NCOA7: variants seen among roughly 807,000 people sequenced by gnomAD.
NCOA7 encodes the protein nuclear receptor coactivator 7, also known as 140 kDa estrogen receptor-associated protein.
A neutral mutation model predicts 104.3 loss-of-function variants in NCOA7; 45 were observed. The ratio of observed to expected loss-of-function variants is 0.43; its 90% CI spans 0.34 to 0.55. The LOEUF is 0.55. NCOA7 is among the 20% of genes least tolerant of loss of function. The pLI is 0.02. For synonymous variants in NCOA7, 398 were observed against 402.3 expected (o/e 0.99, Z 0.13); for missense variants, 1,041 against 1,119.7 (o/e 0.93, Z 1.00).
intron 10 of NCOA7, among the ~76,000 whole-genome samples, chr6:125,904,012 T>A (rs750129128): frequency 6.6e-6 from 1 of 152,148 alleles, no homozygotes; most frequent in Non-Finnish European, 1.5e-5. Flanking sequence ...TAAGTACATA[T>A]GTAAGTATTA....
intron 8 of NCOA7, among the ~76,000 whole-genome samples, chr6:125,888,226 C>T (rs1293103325): frequency 6.6e-6 from 1 of 152,178 alleles, no homozygotes; most frequent in Non-Finnish European, 1.5e-5. Context: ...GAAATATTTA[C>T]TTAAGAAATG....
intron 10 of NCOA7, among the ~76,000 whole-genome samples, chr6:125,905,330 C>A (rs7765645): frequency 0.16 from 24,390 of 149,390 alleles, 2,231 homozygotes; most frequent in African/African-American, 0.27. Flanking sequence ...GATCTCGGCT[C>A]ATTGCAACCT....
chr6:125,887,633 A>G (rs1245072964), intron 8 of NCOA7, among the ~76,000 whole-genome samples: 4 of 152,226 alleles, frequency 2.6e-5, no homozygotes, highest in African/African-American at 7.2e-5. Context: ...CACTTTGGGA[A>G]GACAGTCTTT....
chr6:125,911,090 T>C (rs1334046853), intron 10 of NCOA7, among the ~76,000 whole-genome samples: 1 of 152,100 alleles, frequency 6.6e-6, no homozygotes, highest in Non-Finnish European at 1.5e-5. Flanking sequence ...AGGCCCCGAG[T>C]TCTGGGAGCC....
chr6:125,918,846 C>T (rs1362609277), intron 11 of NCOA7, among the ~76,000 whole-genome samples: 1 of 152,048 alleles, frequency 6.6e-6, no homozygotes, highest in African/African-American at 2.4e-5. Context: ...CCTACCTCCA[C>T]CGAAGGCTCC....
In NCOA7 at chr6:125,922,823, A is replaced by G. The variant is rs1350905270; in HGVS notation, c.2512A>G (p.Met838Val). Residue 838 changes from methionine (M) to valine (V), a missense_variant, in exon 13 of 16, where the codon ATG (methionine) becomes GTG (valine). Met to Val is a conservative substitution (Grantham distance 21). Coordinates refer to ENST00000392477, the MANE Select transcript of NCOA7 (RefSeq NM_181782.5). ...TCCTGTCCTATTGGTCATCAAAGATATGGATAATCAGGTGAGGCCTGTCCC... is the reference window on the plus strand; with the variant it reads ...TCCTGTCCTATTGGTCATCAAAGATGTGGATAATCAGGTGAGGCCTGTCCC... ...DSPVLLVIKD[M>V]DNQIFGAYAT... The G allele has an allele frequency of 2.5e-6, 4 of 1,614,080 alleles. No homozygotes were observed. Among genetic ancestry groups the G allele is most frequent in the Non-Finnish European group, 3.4e-6 (4 of 1,180,000 alleles).
At chr6:125,857,006 C>T (rs1372312339) in intron 3 of NCOA7, among the ~76,000 whole-genome samples, 3 of 151,974 alleles carry the variant, frequency 2.0e-5, no homozygotes, top group Non-Finnish European at 2.9e-5. Context: ...TATCGGCAGC[C>T]GAAAGCATGT....
At chr6:125,790,634 G>A (rs1458460682), upstream of NCOA7, 6 of 151,730 alleles carry the variant, frequency 4.0e-5, no homozygotes, top group African/African-American at 7.3e-5. Flanking sequence ...CGAGCTCCCA[G>A]GCCCCCGCAA....
intron 6 of NCOA7, 29 bp downstream of exon 6, chr6:125,881,232 T>TTTA: frequency 7.0e-7 from 1 of 1,428,150 alleles, no homozygotes; most frequent in African/African-American, 1.4e-5. Context: ...GAAGTTCATT[T>TTTA]TTATTAAAGA....
intron 1 of NCOA7, among the ~76,000 whole-genome samples, chr6:125,799,347 A>T (rs879830554): frequency 1.3e-5 from 2 of 152,180 alleles, no homozygotes; most frequent in Non-Finnish European, 2.9e-5. Context: ...AATACTTTCC[A>T]ACCCATCTAT....
chr6:125,812,731 G>A (rs1429019929), intron 1 of NCOA7, among the ~76,000 whole-genome samples: 1 of 152,080 alleles, frequency 6.6e-6, no homozygotes, highest in African/African-American at 2.4e-5. Flanking sequence ...GTCCACAACC[G>A]ATTTCTTACC....
chr6:125,799,484 G>C (rs1229882894), intron 1 of NCOA7, among the ~76,000 whole-genome samples: 1 of 150,572 alleles, frequency 6.6e-6, no homozygotes, highest in Non-Finnish European at 1.5e-5. Flanking sequence ...CTGTCGCCCA[G>C]GCTGGAATGC....
intron 2 of NCOA7, among the ~76,000 whole-genome samples, chr6:125,850,218 G>C (rs1781001376): frequency 6.6e-6 from 1 of 152,092 alleles, no homozygotes; most frequent in Admixed American, 6.6e-5. Flanking sequence ...ATTTTACAGA[G>C]GGCTTCCAGA....
At chr6:125,817,821 C>T (rs2128575068) in intron 2 of NCOA7, among the ~76,000 whole-genome samples, 2 of 152,284 alleles carry the variant, frequency 1.3e-5, no homozygotes, top group Middle Eastern at 6.8e-3. Flanking sequence ...ATCTCTTTGC[C>T]TAGCTGTATG....
At chr6:125,927,137 A>G (rs955958351) in intron 13 of NCOA7, among the ~76,000 whole-genome samples, 13 of 152,204 alleles carry the variant, frequency 8.5e-5, no homozygotes, top group Admixed American at 2.0e-4. Flanking sequence ...ATTTTTAAGG[A>G]TATAATTTTA....
At chr6:125,819,840 G>A (rs938188800) in intron 2 of NCOA7, among the ~76,000 whole-genome samples, 3 of 152,254 alleles carry the variant, frequency 2.0e-5, no homozygotes, top group East Asian at 1.9e-4. Flanking sequence ...TGTGATTTCC[G>A]AGTAGGTCCT....
chr6:125,787,908 T>A (rs116789803), upstream of NCOA7, among the ~76,000 whole-genome samples: 1,361 of 152,320 alleles, frequency 8.9e-3, 24 homozygotes, highest in African/African-American at 0.031. Flanking sequence ...CCCTATAAAG[T>A]TGGTACTGTT....
At chr6:125,912,926 CTTA>C (rs780837971) in intron 10 of NCOA7, among the ~76,000 whole-genome samples, 5 of 152,118 alleles carry the variant, frequency 3.3e-5, no homozygotes, top group Admixed American at 6.6e-5. Context: ...AAGGAAACTT[CTTA>C]TTATATGCCT....
At position 125,931,825 on chromosome 6, in the gene NCOA7, G is replaced by T. The variant is rs1425385169; in HGVS notation, c.*3054G>T. ...TGGGATGTGATTAGAACATGGGGGC[G>T]GTTTCCCCCATGCTGTTCTCATGAT... On this transcript the variant is annotated 3_prime_UTR_variant, in exon 16 of 16. Transcript: ENST00000392477. 6.6e-6 allele frequency: 1 copy of T among 152,094 alleles called. No homozygotes were observed. The highest frequency in any genetic ancestry group is 1.5e-5 in the Non-Finnish European group (1 of 68,032). 9.4% of individuals were successfully genotyped at this position (152,094 alleles called of 1,614,324 possible).
Sources: allele counts gnomAD v4.1 joint callset (sites outside exome capture counted in the v4.1 genomes callset), GRCh38; gene constraint gnomAD v4.1.1; transcripts MANE v1.5; gene names NCBI Gene and HGNC (gene_info 2026-07-23, HGNC 2026-07-21).